The following TMLHE variants were observed in gnomAD, a reference collection of about 807,000 sequenced individuals.
TMLHE encodes trimethyllysine dioxygenase, mitochondrial.
Under a neutral mutation model 25.7 loss-of-function variants are expected in TMLHE, and 18 were observed. The observed-to-expected ratio is 0.70, with a 90% CI of 0.48 to 1.04. TMLHE has a LOEUF of 1.04. TMLHE is among the 50% of genes least tolerant of loss of function. The probability of loss-of-function intolerance (pLI) is 0.00; values close to 1 mark genes in which losing one functional copy is unlikely to be tolerated. For missense variants in TMLHE, 236 were observed against 259.0 expected, an observed-to-expected ratio of 0.91 and a Z score of 0.61; for synonymous variants, 105 against 97.0, an observed-to-expected ratio of 1.08 and a Z score of -0.49.
In TMLHE at chrX:155,511,685, T is replaced by C; in HGVS notation, c.746A>G (p.Gln249Arg). 1 of 1,199,201 alleles carries C rather than the reference T, an allele frequency of 8.3e-7. No homozygotes were observed. The highest frequency in any genetic ancestry group is 1.1e-6 in the Non-Finnish European group (1 of 887,411). The change falls in exon 5 of 8, where the codon CAA (glutamine) becomes CGA (arginine). Residue 249 changes from glutamine to arginine, a missense_variant. Transcript: ENST00000334398. ...LDRHTDTTYF[Q>R]EPCGIQVFHC... ...CTAATCCACCTACCCACAGGGCTCT[T>C]GAAAATAGGTAGTGTCAGTGTGCCG...
intron 2 of TMLHE, among the ~76,000 whole-genome samples, chrX:155,531,590 A>T (rs2067249537): frequency 8.9e-6 from 1 of 111,838 alleles, no homozygotes; most frequent in South Asian, 3.7e-4. Flanking sequence ...GATTTGGAGG[A>T]GACAAACATC....
chrX:155,527,029 T>C (rs189271350), intron 2 of TMLHE, among the ~76,000 whole-genome samples: 3 of 112,466 alleles, frequency 2.7e-5, no homozygotes, highest in African/African-American at 9.7e-5. Context: ...TCTGAGTTAG[T>C]GCTGGAGTGA....
chrX:155,569,311 G>A (rs2067532453), intron 1 of TMLHE, among the ~76,000 whole-genome samples: 1 of 57,267 alleles, frequency 1.7e-5, no homozygotes, highest in South Asian at 9.9e-4. Context: ...AATGAACAAA[G>A]CCTCCAAGAA....
chrX:155,606,962 T>C (rs782625904), intron 1 of TMLHE, among the ~76,000 whole-genome samples: 35 of 110,776 alleles, frequency 3.2e-4, no homozygotes, highest in African/African-American at 1.1e-3. Context: ...AGTTCCAAAA[T>C]TGAATCAGTA....
At chrX:155,549,448 G>T (rs1029677079) in intron 1 of TMLHE, among the ~76,000 whole-genome samples, 1 of 110,239 alleles carries the variant, frequency 9.1e-6, no homozygotes, top group Non-Finnish European at 1.9e-5. Context: ...AATATGACTT[G>T]AATTTTAGTA....
intron 1 of TMLHE, among the ~76,000 whole-genome samples, chrX:155,547,094 CTT>C (rs1361622134): frequency 1.8e-5 from 2 of 111,221 alleles, no homozygotes; most frequent in African/African-American, 6.5e-5. Context: ...AAAATCTACT[CTT>C]AAGTATATTC....
intron 1 of TMLHE, among the ~76,000 whole-genome samples, chrX:155,575,122 A>G (rs1163199041): frequency 8.9e-6 from 1 of 111,971 alleles, no homozygotes; most frequent in African/African-American, 3.2e-5. Context: ...TCTAAGGGCT[A>G]TGAGGGAAAG....
chrX:155,611,047 G>T (rs1343760312), intron 1 of TMLHE, among the ~76,000 whole-genome samples: 8 of 111,743 alleles, frequency 7.2e-5, no homozygotes, highest in African/African-American at 2.3e-4. Flanking sequence ...CACCCTTCAG[G>T]TTGGCTCAGC....
At chrX:155,529,091 T>TAA (rs781902876) in intron 2 of TMLHE, among the ~76,000 whole-genome samples, 7 of 111,987 alleles carry the variant, frequency 6.3e-5, no homozygotes, top group Non-Finnish European at 1.9e-5. Flanking sequence ...GTATTATCAT[T>TAA]CTCATTTTAA....
At position 155,524,462 on chromosome X, in the gene TMLHE, A is replaced by T; in HGVS notation, c.352T>A (p.Phe118Ile). 1 of 1,169,779 alleles carries T rather than the reference A, an allele frequency of 8.5e-7. No individual in the cohort carries two copies. Among genetic ancestry groups the T allele is most frequent in the South Asian group, 2.1e-5 (1 of 47,907 alleles). Reference protein sequence around the residue: ...TIRLDETTLFFTWPDGHVTKY... With the variant: ...TIRLDETTLFITWPDGHVTKY... Reference sequence around the variant, plus strand: ...AAGTCTCCTGTCCACTCACAAGTGAAAAAGAGTGTGGTCTCATCCAGACGA... The same window carrying T: ...AAGTCTCCTGTCCACTCACAAGTGATAAAGAGTGTGGTCTCATCCAGACGA... The change falls in exon 3 of 8, where the codon TTC becomes ATC. Residue 118 changes from phenylalanine to isoleucine, a missense_variant. Phe to Ile is a conservative substitution (Grantham distance 21, BLOSUM62 0). This residue lies in a region of TMLHE where 217 missense variants were observed against 214.6 expected (regional missense o/e 1.01). Transcript: ENST00000334398.
At chrX:155,555,340 G>C (rs2067443661) in intron 1 of TMLHE, among the ~76,000 whole-genome samples, 1 of 110,475 alleles carries the variant, frequency 9.1e-6, no homozygotes, top group Non-Finnish European at 1.9e-5. Context: ...ATAAACATAT[G>C]TGTGCATGTG....
chrX:155,597,634 A>AT (rs1190691440), intron 1 of TMLHE, among the ~76,000 whole-genome samples: 2 of 111,616 alleles, frequency 1.8e-5, no homozygotes, highest in Non-Finnish European at 1.9e-5. Flanking sequence ...TTTCTTAAGC[A>AT]TTTTTTTACC....
chrX:155,524,874 A>C (rs1399788428), intron 2 of TMLHE, among the ~76,000 whole-genome samples: 1 of 111,816 alleles, frequency 8.9e-6, no homozygotes, highest in Non-Finnish European at 1.9e-5. Flanking sequence ...ACCCAAATGC[A>C]TATGGAAATC....
chrX:155,532,351 C>T (rs2067253652), intron 2 of TMLHE, among the ~76,000 whole-genome samples: 1 of 111,718 alleles, frequency 9.0e-6, no homozygotes, highest in Non-Finnish European at 1.9e-5. Flanking sequence ...AATGTCTTTC[C>T]CTTCTAATAG....
chrX:155,513,605 G>GT (rs2067132283), intron 4 of TMLHE, among the ~76,000 whole-genome samples: 4 of 106,460 alleles, frequency 3.8e-5, no homozygotes, highest in Non-Finnish European at 7.8e-5. Context: ...GGGTCGAGGG[G>GT]GTGTGTGTGT....
chrX:155,547,288 G>A (rs1053005869), intron 1 of TMLHE, among the ~76,000 whole-genome samples: 5 of 88,586 alleles, frequency 5.6e-5, no homozygotes, highest in African/African-American at 1.9e-4. Flanking sequence ...GGGACTACAG[G>A]CACCTGCCAC....
chrX:155,576,151 T>G (rs2067587977), intron 1 of TMLHE, among the ~76,000 whole-genome samples: 1 of 111,510 alleles, frequency 9.0e-6, no homozygotes, highest in Non-Finnish European at 1.9e-5. Flanking sequence ...AATCAGCACT[T>G]CAGCAAAGTT....
chrX:155,609,750 T>C (rs1557348161), intron 1 of TMLHE, among the ~76,000 whole-genome samples: 1 of 111,826 alleles, frequency 8.9e-6, no homozygotes, highest in African/African-American at 3.2e-5. Flanking sequence ...AAAGAACATA[T>C]ACAAATATCT....
At chrX:155,587,015 T>C in intron 1 of TMLHE, among the ~76,000 whole-genome samples, 1 of 112,268 alleles carries the variant, frequency 8.9e-6, no homozygotes, top group Non-Finnish European at 1.9e-5. Flanking sequence ...ACTCATTTAA[T>C]GAGGCCAGAA....
Sources: allele counts gnomAD v4.1 joint callset (sites outside exome capture counted in the v4.1 genomes callset), GRCh38; gene constraint gnomAD v4.1.1; regional missense constraint gnomAD v4.1.1; transcripts MANE v1.5; gene names NCBI Gene and HGNC (gene_info 2026-07-23, HGNC 2026-07-21).